The following SLC29A2 variants were observed in gnomAD, a reference collection of about 807,000 sequenced individuals.
SLC29A2 encodes the protein equilibrative nucleoside transporter 2.
SLC29A2 carries 37 observed loss-of-function variants against 48.8 expected under a neutral mutation model. The ratio of observed to expected loss-of-function variants is 0.76; its 90% CI spans 0.58 to 1.00. The LOEUF is 1.00. Ranked by LOEUF, SLC29A2 falls within the 50% of genes least tolerant of loss-of-function variation. The pLI is 0.00. For missense variants in SLC29A2, 533 were observed against 578.6 expected (o/e 0.92, Z 0.81); for synonymous variants, 233 against 261.7 (o/e 0.89, Z 1.06).
rs77181718 is a variant in SLC29A2 at position 66,365,320 on chromosome 11, G to C, written c.1059+616C>G. On this transcript the variant is annotated intron_variant, in intron 10 of 11. Coordinates refer to ENST00000357440, the MANE Select transcript of SLC29A2 (RefSeq NM_001532.3). ...ACCTACCTTGTGAGCCAGTGAGGGA[G>C]GACCCAGCACTGGGGCCTGGGCCAA... Among the ~76,000 whole-genome samples, 193 of 152,360 alleles carry C rather than the reference G, an allele frequency of 1.3e-3. 8 individuals carry two copies. The East Asian group carries it at 0.035, about 28-fold the overall frequency.
intron 7 of SLC29A2, 49 bp downstream of exon 7, chr11:66,367,415 C>G: frequency 1.3e-6 from 2 of 1,529,052 alleles, no homozygotes; most frequent in Non-Finnish European, 9.1e-7. Context: ...GGAGGTGGCT[C>G]TAGCTTCCTC....
chr11:66,370,418 T>G (rs1001774164), intron 2 of SLC29A2, among the ~76,000 whole-genome samples: 7 of 152,176 alleles, frequency 4.6e-5, no homozygotes, highest in Non-Finnish European at 8.8e-5. Context: ...CCAAGAAGCA[T>G]TTGCAAAGTT....
In SLC29A2 at chr11:66,366,537, T is replaced by C; in HGVS notation, c.761A>G (p.Gln254Arg). 6.2e-7 allele frequency: 1 copy of C among 1,613,842 alleles called. No homozygotes were observed. Among genetic ancestry groups the C allele is most frequent in the Non-Finnish European group, 8.5e-7 (1 of 1,179,992 alleles). Residue 254 changes from glutamine to arginine, a missense_variant, in exon 8 of 12, where the codon CAG becomes CGG. Physicochemically the swap from Gln to Arg is conservative, Grantham distance 43 (BLOSUM62 1). Transcript: ENST00000357440. ...AAGATCCAGGGTCAGAGCTACTTTCTGGGGACTACTGGGAATCCCGTTCTC... is the reference window on the plus strand; with the variant it reads ...AAGATCCAGGGTCAGAGCTACTTTCCGGGGACTACTGGGAATCCCGTTCTC... ...SDENGIPSSP[Q>R]KVALTLDLDL...
chr11:66,364,216 G>C lies in SLC29A2; in HGVS notation c.1259+9C>G, dbSNP rs1343110998. 6.1e-5 allele frequency: 58 copies of C among 943,338 alleles called. No homozygotes were observed. The highest frequency in any genetic ancestry group is 7.7e-5 in the Non-Finnish European group (47 of 608,698). The allele number at this position is 943,338 out of a possible 1,614,324, so 58.4% of individuals were successfully genotyped here. The stretch of plus-strand genomic sequence containing the variant: ...TCCCAGCCCCCCACCCCACCCCATT[G>C]CCCCGGACCTGGGCGCCAGGCACAT... On this transcript the variant is annotated intron_variant, in intron 11 of 11. Coordinates refer to ENST00000357440, the MANE Select transcript of SLC29A2 (RefSeq NM_001532.3).
Position 66,364,236 on chromosome 11 carries a change from G to A in SLC29A2, c.1248C>T (p.Cys416=), listed in dbSNP as rs374067105. 3 of 1,610,574 alleles carry A rather than the reference G, an allele frequency of 1.9e-6. No individual in the cohort carries two copies. Among genetic ancestry groups the A allele is most frequent in the African/African-American group, 1.3e-5 (1 of 74,872 alleles). Reference sequence around the variant, plus strand: ...CCATTGCCCCGGACCTGGGCGCCAGGCACATGGTGAGGGACACCAGGTAGC... The same window carrying A: ...CCATTGCCCCGGACCTGGGCGCCAGACACATGGTGAGGGACACCAGGTAGC... ...SNGYLVSLTM[C]LAPRQVLPHE... Residue 416 remains cysteine (C), a synonymous_variant, in exon 11 of 12, where the codon TGC becomes TGT. Coordinates refer to ENST00000357440, the MANE Select transcript of SLC29A2 (RefSeq NM_001532.3).
chr11:66,368,789 C>A (rs961599770), intron 4 of SLC29A2, 118 bp from the exon 5 acceptor site: 4 of 1,375,940 alleles, frequency 2.9e-6, no homozygotes, highest in Admixed American at 3.9e-5. Context: ...GTGTGAGCTT[C>A]CCTAGGGACT....
At position 66,364,247 on chromosome 11, in the gene SLC29A2, G is replaced by A; in HGVS notation, c.1237C>T (p.Leu413Phe). The A allele has an allele frequency of 3.1e-6, 5 of 1,612,658 alleles. No homozygotes were observed. Among genetic ancestry groups the A allele is most frequent in the South Asian group, 1.1e-5 (1 of 90,792 alleles). Residue 413 changes from leucine to phenylalanine, a missense_variant, in exon 11 of 12, where the codon CTC becomes TTC. Coordinates refer to ENST00000357440, the MANE Select transcript of SLC29A2 (RefSeq NM_001532.3). ...FAVSNGYLVS[L>F]TMCLAPRQVL... Reference sequence around the variant, plus strand: ...GACCTGGGCGCCAGGCACATGGTGAGGGACACCAGGTAGCCATTAGAAACG... The same window carrying A: ...GACCTGGGCGCCAGGCACATGGTGAAGGACACCAGGTAGCCATTAGAAACG...
chr11:66,365,329 A>C (rs1038993719), intron 10 of SLC29A2, among the ~76,000 whole-genome samples: 33 of 152,304 alleles, frequency 2.2e-4, no homozygotes, highest in African/African-American at 7.9e-4. Context: ...AGGACCCAGC[A>C]CTGGGGCCTG....
chr11:66,370,138 C>A (rs1250079266), intron 2 of SLC29A2, among the ~76,000 whole-genome samples: 1 of 152,242 alleles, frequency 6.6e-6, no homozygotes, highest in Non-Finnish European at 1.5e-5. Flanking sequence ...GCCTGCCTGC[C>A]TTTGGCATGG....
intron 5 of SLC29A2, 89 bp downstream of exon 5, chr11:66,368,447 CA>C: frequency 6.4e-7 from 1 of 1,554,018 alleles, no homozygotes. Context: ...CATCTTCACC[CA>C]GAACCCATGT....
intron 6 of SLC29A2, 31 bp downstream of exon 6, chr11:66,367,741 G>T (rs1197942416): frequency 1.3e-6 from 2 of 1,592,228 alleles, no homozygotes; most frequent in East Asian, 2.2e-5. Context: ...GATGCTTTGA[G>T]GTGGGGCCTC....
intron 2 of SLC29A2, 125 bp downstream of exon 2, chr11:66,371,119 C>G: frequency 1.2e-6 from 1 of 812,262 alleles, no homozygotes; most frequent in Non-Finnish European, 2.1e-6. Flanking sequence ...AGCTTCAGCC[C>G]ATAATGAGCT....
rs774223827 is a variant in SLC29A2 at position 66,364,346 on chromosome 11, C to T, written c.1138G>A (p.Val380Met). 6.4e-5 allele frequency: 103 copies of T among 1,613,818 alleles called. 2 individuals are homozygous for T. Among genetic ancestry groups the T allele is most frequent in the South Asian group, 5.3e-4 (48 of 91,058 alleles). Residue 380 changes from valine (V) to methionine (M), a missense_variant, in exon 11 of 12, where the codon GTG (valine) becomes ATG (methionine). By Grantham distance (21) the Val-to-Met change is conservative (BLOSUM62 1). Coordinates refer to ENST00000357440, the MANE Select transcript of SLC29A2 (RefSeq NM_001532.3). Reference protein sequence around the residue: ...LFVPLFMLCHVPQRSRLPILF... With the variant: ...LFVPLFMLCHMPQRSRLPILF... Reference sequence around the variant, plus strand: ...ATGGGCAGCCGGGACCTCTGGGGCACGTGGCACAGCATGAAGAGGGGCACG... The same window carrying T: ...ATGGGCAGCCGGGACCTCTGGGGCATGTGGCACAGCATGAAGAGGGGCACG...
In SLC29A2 at chr11:66,366,575, G is replaced by A. The variant is rs745562632; in HGVS notation, c.734-11C>T. ...GAATCCCGTTCTCATCTGGGGTGAG[G>A]GGGGACGGGGAAGGGTCATGCTTGT... On this transcript the variant is annotated splice_polypyrimidine_tract_variant and intron_variant, in intron 7 of 11. Coordinates refer to ENST00000357440, the MANE Select transcript of SLC29A2 (RefSeq NM_001532.3). The A allele has an allele frequency of 8.7e-6, 14 of 1,613,022 alleles. No individual in the cohort carries two copies. Among genetic ancestry groups the A allele is most frequent in the Non-Finnish European group, 1.2e-5 (14 of 1,179,920 alleles).
At chr11:66,369,232 G>T in intron 3 of SLC29A2, 33 bp from the exon 4 acceptor site, 1 of 1,579,754 alleles carries the variant, frequency 6.3e-7, no homozygotes, top group Non-Finnish European at 8.6e-7. Context: ...CATCAGTGGG[G>T]CCCAGGCCAG....
rs1160287412 is a variant in SLC29A2 at position 66,367,472 on chromosome 11, A to T, written c.725T>A (p.Leu242His). The T allele has an allele frequency of 1.2e-6, 2 of 1,613,882 alleles. No individual in the cohort carries two copies. Among genetic ancestry groups the T allele is most frequent in the East Asian group, 2.2e-5 (1 of 44,884 alleles). The change falls in exon 7 of 12, where the codon CTC (leucine) becomes CAC (histidine). Residue 242 changes from leucine (L) to histidine (H), a missense_variant. Coordinates refer to ENST00000357440, the MANE Select transcript of SLC29A2 (RefSeq NM_001532.3). ...AGGGTCTCAGGGCTTACCAGACTGG[A>T]GGAGCTCAGCTTTGGTCTCCAGCTC... is the stretch of plus-strand genomic sequence containing the variant. ...AQELETKAEL[L>H]QSDENGIPSS... is the part of the protein sequence containing the mutation.
In SLC29A2 at chr11:66,363,154, G is replaced by T; in HGVS notation, c.*282C>A. 2.3e-6 allele frequency: 1 copy of T among 442,514 alleles called. No individual in the cohort carries two copies. The highest frequency in any genetic ancestry group is 4.2e-6 in the Non-Finnish European group (1 of 236,536). The allele number at this position is 442,514 out of a possible 1,614,324, so 27.4% of individuals were successfully genotyped here. On this transcript the variant is annotated 3_prime_UTR_variant, in exon 12 of 12. Transcript: ENST00000357440. ...AATGCAGACCTGGTGGTGGGGAGCA[G>T]CCGTGCCCTGCACCCTCTTTTCCCT...
At position 66,371,704 on chromosome 11, in the gene SLC29A2, C is replaced by T; in HGVS notation, c.-113G>A. ...GGCGGGGGGCGGGTCTCCCCAGATT[C>T]CGGTGCAGGGCGGCTGGAGTCGCAC... On this transcript the variant is annotated 5_prime_UTR_variant, in exon 1 of 12. Transcript: ENST00000357440. 1 of 1,101,852 alleles carries T rather than the reference C, an allele frequency of 9.1e-7. No individual in the cohort carries two copies. The highest frequency in any genetic ancestry group is 1.3e-6 in the Non-Finnish European group (1 of 774,604). 68.3% of individuals were successfully genotyped at this position (1,101,852 alleles called of 1,614,324 possible).
chr11:66,365,352 C>G (rs1421225129), intron 10 of SLC29A2, among the ~76,000 whole-genome samples: 1 of 152,200 alleles, frequency 6.6e-6, no homozygotes, highest in Admixed American at 6.5e-5. Flanking sequence ...CCAAGTCCAC[C>G]CAGAAATCAG....
Sources: allele counts gnomAD v4.1 joint callset (sites outside exome capture counted in the v4.1 genomes callset), GRCh38; gene constraint gnomAD v4.1.1; transcripts MANE v1.5; gene names NCBI Gene and HGNC (gene_info 2026-07-23, HGNC 2026-07-21).